The following VCAN variants were observed in gnomAD, a reference collection of about 807,000 sequenced individuals.
VCAN encodes the protein versican core protein.
In VCAN, 44 loss-of-function variants were observed where a neutral mutation model predicts 245.5. The ratio of observed to expected loss-of-function variants is 0.18; its 90% confidence interval spans 0.14 to 0.23. VCAN has a LOEUF of 0.23. Among genes scored for constraint, VCAN ranks in the 10% least tolerant of loss-of-function variants. The probability of loss-of-function intolerance (pLI) is 1.00; values close to 1 mark genes in which losing one functional copy is unlikely to be tolerated. For missense variants in VCAN, 3,793 were observed against 4,057.9 expected, an observed-to-expected ratio of 0.93 and a Z score of 1.77; for synonymous variants, 1,413 against 1,437.0, an observed-to-expected ratio of 0.98 and a Z score of 0.38.
At chr5:83,516,774 T>A (rs1207979000) in intron 6 of VCAN, among the ~76,000 whole-genome samples, 1 of 152,262 alleles carries the variant, frequency 6.6e-6, no homozygotes, top group Non-Finnish European at 1.5e-5. Context: ...ACAATAGTCA[T>A]CAGAATACAG....
In VCAN at chr5:83,580,319, A is replaced by G. The variant is rs1748623370; in HGVS notation, c.10076A>G (p.Gln3359Arg). ...TCCTTCCATGTAGCATCTGCATACCAAAGGACTTATTCTATGAAATACTTT... is the reference window on the plus strand; with the variant it reads ...TCCTTCCATGTAGCATCTGCATACCGAAGGACTTATTCTATGAAATACTTT... ...KITCMNPSAY[Q>R]RTYSMKYFKN... Residue 3359 changes from glutamine (Q) to arginine (R), a missense_variant, in exon 15 of 15, where the codon CAA becomes CGA. Gln to Arg is a conservative substitution (Grantham distance 43, BLOSUM62 1). Coordinates refer to ENST00000265077, the MANE Select transcript of VCAN (RefSeq NM_004385.5). 6 of 1,613,976 alleles carry G rather than the reference A, an allele frequency of 3.7e-6. No homozygotes were observed. The highest frequency in any genetic ancestry group is 5.1e-6 in the Non-Finnish European group (6 of 1,179,976).
chr5:83,565,681 A>G (rs1345638724), intron 12 of VCAN, among the ~76,000 whole-genome samples: 2 of 152,148 alleles, frequency 1.3e-5, no homozygotes, highest in Non-Finnish European at 2.9e-5. Flanking sequence ...TGGGTTGAGT[A>G]TTATAAAGAA....
intron 2 of VCAN, among the ~76,000 whole-genome samples, chr5:83,484,521 A>ATCCC (rs1744728557): frequency 1.3e-5 from 2 of 148,492 alleles, no homozygotes; most frequent in African/African-American, 5.2e-5. Flanking sequence ...CCATCCATCC[A>ATCCC]TCCATCCATC....
intron 7 of VCAN, among the ~76,000 whole-genome samples, chr5:83,533,295 T>C (rs891886337): frequency 2.0e-5 from 3 of 152,172 alleles, no homozygotes; most frequent in Non-Finnish European, 2.9e-5. Context: ...AATCCTAATC[T>C]AAATTTAATG....
At chr5:83,566,747 A>G (rs1416026590) in intron 12 of VCAN, among the ~76,000 whole-genome samples, 3 of 152,234 alleles carry the variant, frequency 2.0e-5, no homozygotes, top group Non-Finnish European at 2.9e-5. Flanking sequence ...GCTGGCATGC[A>G]CAGAAGTCAT....
chr5:83,509,594 A>T (rs1675956542), intron 5 of VCAN, among the ~76,000 whole-genome samples: 1 of 152,198 alleles, frequency 6.6e-6, no homozygotes. Context: ...ACTTAAGAGG[A>T]ATGGTAGTTT....
At chr5:83,535,353 T>C (rs1281289231) in intron 7 of VCAN, among the ~76,000 whole-genome samples, 1 of 152,064 alleles carries the variant, frequency 6.6e-6, no homozygotes, top group Admixed American at 6.6e-5. Flanking sequence ...AGAAGTATTT[T>C]AGTGAAATAA....
At chr5:83,546,238 T>TAAA (rs1447029060) in intron 9 of VCAN, among the ~76,000 whole-genome samples, 1 of 141,900 alleles carries the variant, frequency 7.0e-6, no homozygotes. Flanking sequence ...TCCTTCTCTT[T>TAAA]AAAGAAAAAA....
chr5:83,560,550 G>A (rs539356108), intron 12 of VCAN, among the ~76,000 whole-genome samples: 38 of 152,124 alleles, frequency 2.5e-4, no homozygotes, highest in African/African-American at 8.9e-4. Flanking sequence ...GGAACGTTAT[G>A]GAATCATTTA....
At chr5:83,558,062 C>T (rs757874816) in intron 12 of VCAN, among the ~76,000 whole-genome samples, 6 of 152,142 alleles carry the variant, frequency 3.9e-5, no homozygotes, top group African/African-American at 4.8e-5. Context: ...GTCTTAGAGC[C>T]GGTCTCCCTC....
chr5:83,514,706 A>C (rs1158908964), intron 6 of VCAN, among the ~76,000 whole-genome samples: 1 of 152,110 alleles, frequency 6.6e-6, no homozygotes, highest in Non-Finnish European at 1.5e-5. Context: ...TGATCCACCC[A>C]TTTTGGCTTC....
chr5:83,551,902 A>G (rs1016595432), intron 10 of VCAN, among the ~76,000 whole-genome samples: 4 of 152,176 alleles, frequency 2.6e-5, no homozygotes, highest in African/African-American at 4.8e-5. Context: ...TGAGGCACTG[A>G]GTGCTACTTT....
chr5:83,494,007 G>A (rs1745074479), intron 5 of VCAN, 76 bp downstream of exon 5: 6 of 1,605,906 alleles, frequency 3.7e-6, no homozygotes, highest in South Asian at 1.1e-5. Flanking sequence ...TTGGAATAGA[G>A]CAAGTCTTCG....
chr5:83,572,983 C>T (rs1157678325), intron 13 of VCAN, among the ~76,000 whole-genome samples: 1 of 151,548 alleles, frequency 6.6e-6, no homozygotes, highest in Non-Finnish European at 1.5e-5. Context: ...TCACGGCAAC[C>T]TCCGCCTCTG....
chr5:83,488,619 A>G (rs1744864216), intron 2 of VCAN, among the ~76,000 whole-genome samples: 1 of 152,238 alleles, frequency 6.6e-6, no homozygotes, highest in Non-Finnish European at 1.5e-5. Context: ...TTTATTCCAA[A>G]ATGATAATAG....
chr5:83,576,124 A>G (rs976350534), intron 13 of VCAN, among the ~76,000 whole-genome samples: 1 of 152,128 alleles, frequency 6.6e-6, no homozygotes, highest in African/African-American at 2.4e-5. Context: ...GAACACCTCA[A>G]TGCATACTGC....
intron 13 of VCAN, among the ~76,000 whole-genome samples, chr5:83,578,401 G>A (rs1748553650): frequency 2.0e-5 from 3 of 151,826 alleles, no homozygotes. Context: ...GTACCTGGGT[G>A]ACAAAATAAT....
intron 1 of VCAN, among the ~76,000 whole-genome samples, chr5:83,475,716 C>T (rs951616253): frequency 5.9e-5 from 9 of 152,090 alleles, no homozygotes; most frequent in African/African-American, 2.2e-4. Context: ...GTAAAGGGTT[C>T]CAATGGATTC....
intron 7 of VCAN, among the ~76,000 whole-genome samples, chr5:83,526,704 TG>T (rs528709786): frequency 9.2e-5 from 14 of 152,336 alleles, no homozygotes; most frequent in African/African-American, 3.4e-4. Flanking sequence ...CATTTACCTT[TG>T]AATAGCACTA....
Sources: gnomAD v4.1 joint callset for allele counts (sites outside exome capture counted in the v4.1 genomes callset) on GRCh38, gnomAD v4.1.1 for gene constraint, MANE v1.5 for transcripts, NCBI Gene and HGNC (gene_info 2026-07-23, HGNC 2026-07-21) for gene names.